LRRTM4: variants seen among roughly 807,000 people sequenced by gnomAD.
The protein encoded by LRRTM4 is leucine rich repeat transmembrane neuronal 4, also known as leucine-rich repeat transmembrane neuronal protein 4.
A neutral mutation model predicts 47.6 loss-of-function variants in LRRTM4; 25 were observed. The ratio of observed to expected loss-of-function variants is 0.53; its 90% CI spans 0.38 to 0.73. The LOEUF (loss-of-function observed/expected upper bound fraction) is 0.73, where lower values mean the gene tolerates loss of function less well. Ranked by LOEUF, LRRTM4 falls within the 30% of genes least tolerant of loss-of-function variation. The probability of loss-of-function intolerance (pLI) is 0.00; values close to 1 mark genes in which losing one functional copy is unlikely to be tolerated. For missense variants in LRRTM4, 638 were observed against 713.4 expected, an observed-to-expected ratio of 0.89 and a Z score of 1.20; for synonymous variants, 311 against 269.5, an observed-to-expected ratio of 1.15 and a Z score of -1.51.
At chr2:76,915,589 T>G (rs1324581952) in intron 3 of LRRTM4, among the ~76,000 whole-genome samples, 2 of 152,208 alleles carry the variant, frequency 1.3e-5, no homozygotes, top group Non-Finnish European at 2.9e-5. Flanking sequence ...CTGAATGTTT[T>G]ATTTTTTATT....
chr2:77,077,037 C>A (rs1680359929), intron 3 of LRRTM4, among the ~76,000 whole-genome samples: 1 of 152,108 alleles, frequency 6.6e-6, no homozygotes. Flanking sequence ...CCTTCCCCAA[C>A]AGCTTATTTG....
At chr2:76,919,676 C>A (rs571481541) in intron 3 of LRRTM4, among the ~76,000 whole-genome samples, 1 of 152,092 alleles carries the variant, frequency 6.6e-6, no homozygotes, top group Middle Eastern at 3.2e-3. Flanking sequence ...AATGGCTTTA[C>A]GTGAAATATA....
At chr2:77,217,444 T>TATATATATATATATATAC (rs1425443944) in intron 3 of LRRTM4, among the ~76,000 whole-genome samples, 1 of 116,008 alleles carries the variant, frequency 8.6e-6, no homozygotes, top group Non-Finnish European at 1.8e-5. Flanking sequence ...AAATGAAATA[T>TATATATATATATATATAC]ATATATATAT....
chr2:76,989,411 C>T (rs981534927), intron 3 of LRRTM4, among the ~76,000 whole-genome samples: 23 of 151,848 alleles, frequency 1.5e-4, no homozygotes, highest in African/African-American at 5.3e-4. Flanking sequence ...TGTTTCAATA[C>T]AGAAAAATTA....
chr2:76,806,370 T>G (rs550693634), intron 3 of LRRTM4, among the ~76,000 whole-genome samples: 1 of 152,152 alleles, frequency 6.6e-6, no homozygotes, highest in East Asian at 1.9e-4. Context: ...TCACTTGAGG[T>G]CAGGAGTTCG....
At chr2:76,887,232 A>G (rs1330019995) in intron 3 of LRRTM4, among the ~76,000 whole-genome samples, 2 of 151,822 alleles carry the variant, frequency 1.3e-5, no homozygotes, top group Admixed American at 6.6e-5. Context: ...CAAAAGTTAT[A>G]TAGTATCATA....
At chr2:76,921,155 T>C (rs1674421284) in intron 3 of LRRTM4, among the ~76,000 whole-genome samples, 1 of 152,138 alleles carries the variant, frequency 6.6e-6, no homozygotes, top group Non-Finnish European at 1.5e-5. Context: ...CATCCAGCAT[T>C]CTTAGGTGCT....
At chr2:77,278,274 A>C (rs1676415752) in intron 3 of LRRTM4, among the ~76,000 whole-genome samples, 1 of 152,016 alleles carries the variant, frequency 6.6e-6, no homozygotes, top group Admixed American at 6.6e-5. Context: ...AATCACCAGA[A>C]AAATTTTCTA....
intron 3 of LRRTM4, among the ~76,000 whole-genome samples, chr2:76,769,738 A>C (rs1173154681): frequency 2.0e-5 from 3 of 152,126 alleles, no homozygotes; most frequent in Non-Finnish European, 4.4e-5. Flanking sequence ...ATTTATATTA[A>C]AGTTTGTGAA....
chr2:76,765,149 CCTTT>C (rs902471824), intron 3 of LRRTM4, among the ~76,000 whole-genome samples: 1 of 152,312 alleles, frequency 6.6e-6, no homozygotes, highest in East Asian at 1.9e-4. Context: ...ATCACAACTT[CCTTT>C]CTTTCATTTC....
intron 3 of LRRTM4, among the ~76,000 whole-genome samples, chr2:76,835,907 C>T (rs1470117194): frequency 6.6e-6 from 1 of 151,756 alleles, no homozygotes; most frequent in Non-Finnish European, 1.5e-5. Context: ...ATGTGAAATC[C>T]ACAGGACTAT....
chr2:77,171,202 T>C (rs1266265586), intron 3 of LRRTM4, among the ~76,000 whole-genome samples: 1 of 152,148 alleles, frequency 6.6e-6, no homozygotes, highest in African/African-American at 2.4e-5. Context: ...TTTAGCATGC[T>C]AGTTTACTTC....
intron 3 of LRRTM4, among the ~76,000 whole-genome samples, chr2:77,152,504 G>A (rs1351970946): frequency 6.6e-6 from 1 of 151,716 alleles, no homozygotes; most frequent in Non-Finnish European, 1.5e-5. Flanking sequence ...AATTTTTTGT[G>A]TTTTTAGTAC....
chr2:77,074,079 T>C (rs1680254167), intron 3 of LRRTM4, among the ~76,000 whole-genome samples: 2 of 152,176 alleles, frequency 1.3e-5, no homozygotes. Flanking sequence ...CAATATTGCA[T>C]AGTGATATTT....
chr2:77,134,702 T>C (rs73940359), intron 3 of LRRTM4, among the ~76,000 whole-genome samples: 1,613 of 152,208 alleles, frequency 0.011, 30 homozygotes, highest in Middle Eastern at 0.051. Context: ...ATATCATGAC[T>C]AAAAATACCA....
chr2:76,811,132 A>G (rs973998093), intron 3 of LRRTM4, among the ~76,000 whole-genome samples: 3 of 152,124 alleles, frequency 2.0e-5, no homozygotes, highest in Admixed American at 2.0e-4. Flanking sequence ...TTTACCAGCC[A>G]TGAACCCTGG....
At chr2:77,046,355 C>G (rs1459846389) in intron 3 of LRRTM4, among the ~76,000 whole-genome samples, 1 of 151,968 alleles carries the variant, frequency 6.6e-6, no homozygotes, top group East Asian at 1.9e-4. Context: ...AACCAAAGTG[C>G]AAAATGTGCA....
At chr2:76,958,244 C>A (rs1395118364) in intron 3 of LRRTM4, among the ~76,000 whole-genome samples, 4 of 151,764 alleles carry the variant, frequency 2.6e-5, no homozygotes, top group Non-Finnish European at 5.9e-5. Flanking sequence ...CTGTCACAAT[C>A]TTTCCCAGGA....
chr2:77,430,870 A>C (rs1675345980), intron 3 of LRRTM4, among the ~76,000 whole-genome samples: 1 of 148,534 alleles, frequency 6.7e-6, no homozygotes, highest in Non-Finnish European at 1.5e-5. Context: ...ATCTGCTCTC[A>C]GTGGGGGCAG....
Sources: allele counts gnomAD v4.1 joint callset (sites outside exome capture counted in the v4.1 genomes callset), GRCh38; gene constraint gnomAD v4.1.1; transcripts MANE v1.5; gene names NCBI Gene and HGNC (gene_info 2026-07-23, HGNC 2026-07-21).